ARID1B: variants seen among roughly 807,000 people sequenced by gnomAD.
The protein encoded by ARID1B is AT-rich interaction domain 1B, also known as AT-rich interactive domain-containing protein 1B.
A neutral mutation model predicts 212.3 loss-of-function variants in ARID1B; 30 were observed. That is an observed-to-expected ratio of 0.14 (90% CI 0.11 to 0.19). ARID1B has a LOEUF of 0.19. ARID1B is among the 10% of genes least tolerant of loss of function. The probability of loss-of-function intolerance (pLI) is 1.00; values close to 1 mark genes in which losing one functional copy is unlikely to be tolerated. For synonymous variants in ARID1B, 1,402 were observed against 1,301.7 expected (o/e 1.08, Z -1.66); for missense variants, 2,891 against 3,204.0 (o/e 0.90, Z 2.36).
chr6:157,059,499 A>G (rs866648849), intron 4 of ARID1B, among the ~76,000 whole-genome samples: 1 of 152,252 alleles, frequency 6.6e-6, no homozygotes, highest in African/African-American at 2.4e-5. Flanking sequence ...AAATTAATCT[A>G]TTGGTAAGTC....
chr6:157,070,949 G>A (rs561319950), intron 4 of ARID1B, among the ~76,000 whole-genome samples: 108 of 152,220 alleles, frequency 7.1e-4, no homozygotes, highest in Admixed American at 2.0e-3. Flanking sequence ...TTGGAGTTTG[G>A]CACTGTACAG....
rs188071062 is a variant in ARID1B at position 157,078,485 on chromosome 6, G to A, written c.2248-6177G>A. Among the ~76,000 whole-genome samples, 118 of 152,306 alleles carry A rather than the reference G, an allele frequency of 7.7e-4. 3 individuals are homozygous for A. Among genetic ancestry groups the A allele is most frequent in the Admixed American group, 6.8e-3 (104 of 15,302 alleles). On this transcript the variant is annotated intron_variant, in intron 4 of 19. Transcript: ENST00000636930. ...TCTTTCTAGTCTACGTAACTCCTGA[G>A]ACTGTTAATAGTTGAAGAGTGGAGA... is the stretch of plus-strand genomic sequence containing the variant.
At chr6:156,850,131 T>C (rs564415420) in intron 2 of ARID1B, among the ~76,000 whole-genome samples, 1 of 151,534 alleles carries the variant, frequency 6.6e-6, no homozygotes, top group African/African-American at 2.4e-5. Context: ...AGAAGAGAAC[T>C]GGACCAATTG....
intron 2 of ARID1B, among the ~76,000 whole-genome samples, chr6:156,857,723 C>G (rs1273084319): frequency 1.3e-5 from 2 of 152,182 alleles, no homozygotes; most frequent in Non-Finnish European, 2.9e-5. Context: ...TGCTTAACAA[C>G]AGAGATATGT....
intron 3 of ARID1B, among the ~76,000 whole-genome samples, chr6:156,917,792 T>C (rs188656159): frequency 3.0e-3 from 451 of 152,344 alleles, no homozygotes; most frequent in Non-Finnish European, 4.8e-3. Context: ...AGTACTAGTT[T>C]AGCAGTTAAC....
intron 5 of ARID1B, among the ~76,000 whole-genome samples, chr6:157,097,192 T>C (rs1359222663): frequency 6.6e-6 from 1 of 152,344 alleles, no homozygotes; most frequent in Admixed American, 6.5e-5. Flanking sequence ...TTTTAAACTC[T>C]GTAAGAAAAA....
intron 2 of ARID1B, among the ~76,000 whole-genome samples, chr6:156,897,024 A>G (rs902826353): frequency 2.0e-5 from 3 of 152,196 alleles, no homozygotes; most frequent in Admixed American, 2.0e-4. Context: ...AACGTGATAC[A>G]GAAATGTGAA....
At chr6:157,125,035 A>C (rs1031080037) in intron 6 of ARID1B, among the ~76,000 whole-genome samples, 4 of 152,210 alleles carry the variant, frequency 2.6e-5, no homozygotes, top group Admixed American at 6.5e-5. Context: ...GGGAGCTCAG[A>C]GCCTAAGTGA....
chr6:156,835,660 T>C (rs1783462542), intron 2 of ARID1B, among the ~76,000 whole-genome samples: 1 of 152,250 alleles, frequency 6.6e-6, no homozygotes, highest in Non-Finnish European at 1.5e-5. Flanking sequence ...AGTTCCACTA[T>C]GTATTTTACA....
At chr6:157,080,160 C>T (rs1784555555) in intron 4 of ARID1B, among the ~76,000 whole-genome samples, 1 of 152,208 alleles carries the variant, frequency 6.6e-6, no homozygotes, top group Non-Finnish European at 1.5e-5. Context: ...CAAATGTGTG[C>T]AGTGCTTGGC....
rs1467542976 is a variant in ARID1B at position 157,201,059 on chromosome 6, C to T, written c.4834C>T (p.Pro1612Ser). 2 of 1,613,980 alleles carry T rather than the reference C, an allele frequency of 1.2e-6. No homozygotes were observed. The highest frequency in any genetic ancestry group is 2.2e-5 in the South Asian group (2 of 91,076). Residue 1612 changes from proline (P) to serine (S), a missense_variant, in exon 18 of 20, where the codon CCT (proline) becomes TCT (serine). Around this residue, in one of 7 missense-constraint regions of ARID1B, gnomAD observed 666 missense variants for 873.5 expected, o/e 0.76. Transcript: ENST00000636930. The surrounding 1 kb of genome is among the most constrained non-coding windows in gnomAD (Gnocchi z 5.2). ...QGPGGPTQAP[P>S]YPGMNRTDDM... is the part of the protein sequence containing the mutation. ...CCCTGGCGGCCCTACACAGGCGCCC[C>T]CTTACCCAGGCATGAACCGCACAGA...
At position 157,178,687 on chromosome 6, in the gene ARID1B, T is replaced by C. The variant is rs898556048; in HGVS notation, c.3505-2282T>C. ...TCTTCATTTAATTTTTCCAGTGTTA[T>C]GACAACAAATTGAGATAGGCACAAG... is the stretch of plus-strand genomic sequence containing the variant. On this transcript the variant is annotated intron_variant, in intron 11 of 19. Coordinates refer to ENST00000636930, the MANE Select transcript of ARID1B (RefSeq NM_001374828.1). Among the ~76,000 whole-genome samples, 6 of 151,740 alleles carry C rather than the reference T, an allele frequency of 4.0e-5. No individual in the cohort carries two copies. The South Asian group carries it at 1.0e-3, about 26-fold the overall frequency.
chr6:157,152,108 A>T (rs1162851570), intron 8 of ARID1B: 2 of 152,224 alleles, frequency 1.3e-5, no homozygotes, highest in East Asian at 3.8e-4. Context: ...AGTCAGTAGG[A>T]AGATAACAGT....
intron 7 of ARID1B, among the ~76,000 whole-genome samples, chr6:157,137,609 G>C (rs1789028079): frequency 6.6e-6 from 1 of 152,146 alleles, no homozygotes; most frequent in South Asian, 2.1e-4. Flanking sequence ...TTTGCATGTT[G>C]TTATTAGTTA....
At position 157,204,106 on chromosome 6, in the gene ARID1B, C is replaced by G. The variant is rs1375834565; in HGVS notation, c.5394+110C>G. The G allele has an allele frequency of 4.5e-6, 6 of 1,332,994 alleles. No individual in the cohort carries two copies. The African/African-American group carries it at 8.7e-5, about 19-fold the overall frequency. The allele number at this position is 1,332,994 out of a possible 1,614,324, so 82.6% of individuals were successfully genotyped here. On this transcript the variant is annotated intron_variant, in intron 19 of 19. Transcript: ENST00000636930. ...GTTGATGAGCACTGACCGTCCAACA[C>G]TGTTAATCACTGCAGTTGTTATCAA...
At chr6:156,927,976 G>A (rs1791364780) in intron 3 of ARID1B, among the ~76,000 whole-genome samples, 1 of 152,228 alleles carries the variant, frequency 6.6e-6, no homozygotes, top group Non-Finnish European at 1.5e-5. Context: ...AGTTGTTTTG[G>A]AGGGTGATAG....
At chr6:156,929,294 C>T (rs157661) in intron 3 of ARID1B, among the ~76,000 whole-genome samples, 18,235 of 152,172 alleles carry the variant, frequency 0.12, 1,279 homozygotes, top group African/African-American at 0.18. Context: ...GGATTTATAT[C>T]GCTTTCCTTT....
intron 1 of ARID1B, among the ~76,000 whole-genome samples, chr6:156,820,266 CTT>C (rs1338975828): frequency 6.6e-6 from 1 of 152,006 alleles, no homozygotes; most frequent in Non-Finnish European, 1.5e-5. Context: ...GTCTTTACCT[CTT>C]TTATCTAGTG....
At chr6:157,067,066 A>T (rs1186519499) in intron 4 of ARID1B, among the ~76,000 whole-genome samples, 1 of 151,982 alleles carries the variant, frequency 6.6e-6, no homozygotes, top group Non-Finnish European at 1.5e-5. Flanking sequence ...CTGTCAGGAT[A>T]AAAAAAACAA....
Sources: allele counts gnomAD v4.1 joint callset (sites outside exome capture counted in the v4.1 genomes callset), GRCh38; gene constraint gnomAD v4.1.1; regional missense constraint gnomAD v4.1.1; non-coding constraint Gnocchi (gnomAD v3.1); transcripts MANE v1.5; gene names NCBI Gene and HGNC (gene_info 2026-07-23, HGNC 2026-07-21).